The following SFI1 variants were observed in gnomAD, a reference collection of about 807,000 sequenced individuals.
SFI1 encodes the protein protein SFI1 homolog.
A neutral mutation model predicts 207.5 loss-of-function variants in SFI1; 195 were observed. The observed-to-expected ratio is 0.94, with a 90% CI of 0.84 to 1.06. The LOEUF (loss-of-function observed/expected upper bound fraction) is 1.06. Among genes scored for constraint, SFI1 ranks in the 50% least tolerant of loss-of-function variants. The pLI, the probability that SFI1 is intolerant of heterozygous loss-of-function variation, is 0.00. For missense variants in SFI1, 1,634 were observed against 1,588.0 expected (o/e 1.03, Z -0.49); for synonymous variants, 630 against 598.9 (o/e 1.05, Z -0.76).
At chr22:31,550,937 C>T (rs1221956143) in intron 6 of SFI1, among the ~76,000 whole-genome samples, 5 of 152,196 alleles carry the variant, frequency 3.3e-5, no homozygotes, top group African/African-American at 1.2e-4. Flanking sequence ...GTCAACTCCC[C>T]TACCACTTAC....
At chr22:31,554,768 G>C (rs957015448) in intron 6 of SFI1, among the ~76,000 whole-genome samples, 2 of 151,842 alleles carry the variant, frequency 1.3e-5, no homozygotes, top group Non-Finnish European at 2.9e-5. Context: ...CACCACGCCC[G>C]GCTAATTTTT....
Position 31,613,778 on chromosome 22 carries a change from G to A in SFI1, c.2919G>A (p.Glu973=), listed in dbSNP as rs2070824426. Residue 973 remains glutamate, a synonymous_variant, in exon 27 of 33, where the codon GAG becomes GAA. Coordinates refer to ENST00000400288, the MANE Select transcript of SFI1 (RefSeq NM_001007467.3). ...IAAGAGDGTL[E]TKRPQASRPL... ...CTGGGGCTGGGGATGGCACCCTTGA[G>A]ACCAAGAGGCCACAGGCTTCTCGGC... 1.9e-6 allele frequency: 3 copies of A among 1,612,812 alleles called. No homozygotes were observed. The highest frequency in any genetic ancestry group is 2.7e-5 in the African/African-American group (2 of 75,036).
At chr22:31,547,612 G>GT (rs200073241) in intron 5 of SFI1, among the ~76,000 whole-genome samples, 31 of 137,424 alleles carry the variant, frequency 2.3e-4, no homozygotes, top group African/African-American at 4.7e-4. Context: ...CGCCAGGCCT[G>GT]TTTTTTTTGT....
chr22:31,523,057 A>G (rs1237315868), intron 2 of SFI1, among the ~76,000 whole-genome samples: 2 of 152,162 alleles, frequency 1.3e-5, no homozygotes, highest in Non-Finnish European at 2.9e-5. Context: ...CCTTTTGGCT[A>G]TTGTGAATTA....
chr22:31,592,853 G>A (rs1362084610), intron 15 of SFI1, among the ~76,000 whole-genome samples: 16 of 139,720 alleles, frequency 1.1e-4, no homozygotes, highest in African/African-American at 2.3e-4. Flanking sequence ...GGCCAGGCGG[G>A]GGGGCTGACC....
chr22:31,578,538 C>T (rs1360343049), intron 11 of SFI1, 86 bp downstream of exon 11: 1 of 1,217,014 alleles, frequency 8.2e-7, no homozygotes, highest in Non-Finnish European at 1.1e-6. Flanking sequence ...CTATCACCTT[C>T]ATTAAATGCA....
chr22:31,502,316 A>G (rs1384538567), intron 1 of SFI1, among the ~76,000 whole-genome samples: 1 of 151,882 alleles, frequency 6.6e-6, no homozygotes, highest in African/African-American at 2.4e-5. Flanking sequence ...CCTATCAATG[A>G]CATTAAGTGA....
intron 15 of SFI1, among the ~76,000 whole-genome samples, chr22:31,598,860 C>T (rs1291553093): frequency 7.6e-6 from 1 of 132,202 alleles, no homozygotes; most frequent in Non-Finnish European, 1.5e-5. Context: ...GTGGCACGAT[C>T]TCAGCTCACT....
intron 8 of SFI1, among the ~76,000 whole-genome samples, chr22:31,563,589 GT>G (rs2061952716): frequency 6.7e-6 from 1 of 148,672 alleles, no homozygotes; most frequent in African/African-American, 2.5e-5. Flanking sequence ...GTTTGTTGTT[GT>G]TTGTTTTTTT....
chr22:31,551,617 G>A (rs916077873), intron 6 of SFI1, among the ~76,000 whole-genome samples: 3 of 152,202 alleles, frequency 2.0e-5, no homozygotes, highest in African/African-American at 7.2e-5. Context: ...TTTTGGTAGA[G>A]ATGGGCTTTT....
chr22:31,557,517 G>A (rs1602660291), intron 7 of SFI1, among the ~76,000 whole-genome samples: 1 of 152,062 alleles, frequency 6.6e-6, no homozygotes, highest in Admixed American at 6.6e-5. Context: ...TTTGAACATA[G>A]TTGATGCCTA....
At chr22:31,544,257 T>G (rs139391644) in intron 4 of SFI1, among the ~76,000 whole-genome samples, 1,787 of 152,294 alleles carry the variant, frequency 0.012, 10 homozygotes, top group Middle Eastern at 0.031. Flanking sequence ...TTTTCCTGAC[T>G]AATTTCTCTT....
Position 31,602,284 on chromosome 22 carries a change from A to G in SFI1, c.1617A>G (p.Ala539=). ...KMFQHRENRL[A]ERMAILHAER... ...TTCAGCATCGAGAAAACCGCCTGGC[A>G]GAGAGAATGGTAAATGGCTGTCCCT... The change falls in exon 16 of 33, where the codon GCA becomes GCG. Residue 539 remains alanine, a synonymous_variant. Transcript: ENST00000400288. 6.2e-7 allele frequency: 1 copy of G among 1,613,952 alleles called. No individual in the cohort carries two copies. Among genetic ancestry groups the G allele is most frequent in the Middle Eastern group, 1.7e-4 (1 of 6,056 alleles).
chr22:31,549,599 A>G (rs1321787320), intron 5 of SFI1, among the ~76,000 whole-genome samples: 3 of 151,836 alleles, frequency 2.0e-5, no homozygotes, highest in African/African-American at 7.3e-5. Context: ...TCCCAACCTC[A>G]GGTGGTCTGC....
chr22:31,566,596 T>G (rs913041351), intron 8 of SFI1, among the ~76,000 whole-genome samples: 3 of 152,222 alleles, frequency 2.0e-5, no homozygotes, highest in African/African-American at 7.2e-5. Flanking sequence ...GAATGAGTTA[T>G]TTCATCTGTT....
chr22:31,584,041 A>G, intron 13 of SFI1, 69 bp downstream of exon 13: 1 of 1,318,072 alleles, frequency 7.6e-7, no homozygotes, highest in Admixed American at 1.7e-5. Flanking sequence ...TTCCAGGAGT[A>G]ATTGCTTGCC....
At chr22:31,586,494 T>TA (rs1005355881) in intron 14 of SFI1, among the ~76,000 whole-genome samples, 122 of 152,360 alleles carry the variant, frequency 8.0e-4, no homozygotes, top group African/African-American at 2.9e-3. Context: ...TCTAAGTCGA[T>TA]AGAGCTTGGA....
Position 31,618,413 on chromosome 22 carries a change from T to G in SFI1, c.3724T>G (p.Cys1242Gly), listed in dbSNP as rs2072219706. Residue 1242 changes from cysteine to glycine, a missense_variant, in exon 33 of 33, where the codon TGC becomes GGC. Cys to Gly is a radical substitution (Grantham distance 159). Transcript: ENST00000400288. ...CATCCAGGCCCTGCGGCAGGCCCTG[T>G]GCTAGCGTGTTCGCACCAGGAACGC... Reference protein sequence around the residue: ...ARIQALRQALC With the variant: ...ARIQALRQALG 3.2e-6 allele frequency: 5 copies of G among 1,578,020 alleles called. No homozygotes were observed. Among genetic ancestry groups the G allele is most frequent in the Non-Finnish European group, 4.3e-6 (5 of 1,158,066 alleles).
At position 31,578,378 on chromosome 22, in the gene SFI1, G is replaced by A. The variant is rs1423319996; in HGVS notation, c.1085-4G>A. The A allele has an allele frequency of 1.9e-6, 3 of 1,612,384 alleles. No individual in the cohort carries two copies. Among genetic ancestry groups the A allele is most frequent in the Admixed American group, 3.3e-5 (2 of 59,882 alleles). On this transcript the variant is annotated splice_polypyrimidine_tract_variant and splice_region_variant and intron_variant, in intron 10 of 32. Coordinates refer to ENST00000400288, the MANE Select transcript of SFI1 (RefSeq NM_001007467.3). ...TGGGACTGGAGGCCTTCACTTCCTG[G>A]CAGACATGCTGCTGTGTGCAGAAGA...
Sources: allele counts gnomAD v4.1 joint callset (sites outside exome capture counted in the v4.1 genomes callset), GRCh38; gene constraint gnomAD v4.1.1; transcripts MANE v1.5; gene names NCBI Gene and HGNC (gene_info 2026-07-23, HGNC 2026-07-21).